The following SAMD12 variants were observed in gnomAD, a reference collection of about 807,000 sequenced individuals.
The protein encoded by SAMD12 is sterile alpha motif domain containing 12, also known as sterile alpha motif domain-containing protein 12.
In SAMD12, 9 loss-of-function variants were observed where a neutral mutation model predicts 15.0. The observed-to-expected ratio is 0.60, with a 90% CI of 0.36 to 1.05. SAMD12 has a LOEUF of 1.05. Ranked by LOEUF, SAMD12 falls within the 50% of genes least tolerant of loss-of-function variation. The pLI is 0.01. For synonymous variants in SAMD12, 86 were observed against 90.1 expected (o/e 0.96, Z 0.25); for missense variants, 230 against 234.2 (o/e 0.98, Z 0.12).
chr8:118,223,637 G>A (rs17507627), intron 4 of SAMD12, among the ~76,000 whole-genome samples: 129 of 152,268 alleles, frequency 8.5e-4, no homozygotes, highest in African/African-American at 2.6e-3. Context: ...GATTCCTTGC[G>A]GGATGGAAAA....
chr8:118,228,769 C>CAGCA (rs1271354385), intron 4 of SAMD12, among the ~76,000 whole-genome samples: 2 of 152,154 alleles, frequency 1.3e-5, no homozygotes, highest in African/African-American at 4.8e-5. Flanking sequence ...CTATTTGATC[C>CAGCA]AGCAATCCCA....
intron 4 of SAMD12, among the ~76,000 whole-genome samples, chr8:118,256,589 C>T (rs186095356): frequency 1.2e-3 from 182 of 151,780 alleles, no homozygotes; most frequent in African/African-American, 4.0e-3. Flanking sequence ...GTTCAAAGTG[C>T]GTAAAGTACT....
chr8:118,420,063 G>T (rs4130593), intron 3 of SAMD12, among the ~76,000 whole-genome samples: 2 of 152,016 alleles, frequency 1.3e-5, no homozygotes, highest in Non-Finnish European at 2.9e-5. Context: ...CATCTACAGA[G>T]GACAGTGACA....
chr8:118,406,890 T>TTGTGTGTGTGTGTGTGTGTG lies in SAMD12; in HGVS notation c.323-27210_323-27191dup, dbSNP rs3052708. Among the ~76,000 whole-genome samples the TTGTGTGTGTGTGTGTGTGTG allele has an allele frequency of 2.7e-4, 40 of 147,456 alleles. 1 individual carries two copies. The highest frequency in any genetic ancestry group is 1.5e-3 in the South Asian group (7 of 4,572). On this transcript the variant is annotated intron_variant, in intron 3 of 3. Coordinates refer to ENST00000314727, the MANE Select transcript of SAMD12 (RefSeq NM_207506.3). ...CATTTTAAAGCTTAACAATATTCCATTGTGTGTGTGTGTGTGTGTGTGTGT... is the reference window on the plus strand; with the variant it reads ...CATTTTAAAGCTTAACAATATTCCATTGTGTGTGTGTGTGTGTGTGTGTGTGTGTGTGTGTGTGTGTGTGT...
At chr8:118,206,346 T>C (rs1819862999) in intron 4 of SAMD12, among the ~76,000 whole-genome samples, 1 of 152,236 alleles carries the variant, frequency 6.6e-6, no homozygotes, top group Non-Finnish European at 1.5e-5. Flanking sequence ...AAATTTGCTT[T>C]ATAGCCTTGT....
intron 4 of SAMD12, among the ~76,000 whole-genome samples, chr8:118,310,811 T>A (rs769282531): frequency 7.2e-5 from 11 of 152,212 alleles, no homozygotes; most frequent in African/African-American, 2.7e-4. Flanking sequence ...AACTACTTTC[T>A]GCTGAAAATA....
At chr8:118,436,528 T>C (rs1304918075) in intron 3 of SAMD12, among the ~76,000 whole-genome samples, 7 of 152,186 alleles carry the variant, frequency 4.6e-5, no homozygotes, top group African/African-American at 1.7e-4. Context: ...AATCAAGGGA[T>C]GTTTGTATAT....
At chr8:118,181,537 T>A in the SAMD12 span, among the ~76,000 whole-genome samples, 1 of 152,194 alleles carries the variant, frequency 6.6e-6, no homozygotes, top group Non-Finnish European at 1.5e-5. Flanking sequence ...AAATGGGCAA[T>A]CAGGGTCCAT....
rs1434522599 is a variant in SAMD12 at position 118,585,538 on chromosome 8, AGG to A, written c.14-4647_14-4646del. The stretch of plus-strand genomic sequence containing the variant: ...CTAATACCTCCATAAATGGAAAGAG[AGG>A]TTCCAAAGATATTTTTATTCAAAGG... On this transcript the variant is annotated intron_variant, in intron 1 of 3. Transcript: ENST00000314727. Among the ~76,000 whole-genome samples, 1,440 of 152,340 alleles carry A rather than the reference AGG, an allele frequency of 9.5e-3. 15 individuals carry two copies. The highest frequency in any genetic ancestry group is 0.031 in the African/African-American group (1,285 of 41,582).
chr8:118,187,328 C>T (rs936075285), downstream of SAMD12, among the ~76,000 whole-genome samples: 1 of 152,130 alleles, frequency 6.6e-6, no homozygotes, highest in Admixed American at 6.5e-5. Flanking sequence ...AGTGTACATA[C>T]ATCTATATGC....
chr8:118,331,808 T>G (rs1240568917), intron 4 of SAMD12, among the ~76,000 whole-genome samples: 1 of 152,134 alleles, frequency 6.6e-6, no homozygotes, highest in African/African-American at 2.4e-5. Flanking sequence ...CAACAAAAAC[T>G]GGGAGGTTGA....
intron 2 of SAMD12, among the ~76,000 whole-genome samples, chr8:118,552,934 G>C (rs1164919403): frequency 6.6e-6 from 1 of 151,876 alleles, no homozygotes; most frequent in Non-Finnish European, 1.5e-5. Flanking sequence ...ATTCACAATT[G>C]CTTCAAAGAG....
intron 2 of SAMD12, among the ~76,000 whole-genome samples, chr8:118,506,799 T>C (rs770874036): frequency 2.7e-5 from 4 of 149,614 alleles, no homozygotes; most frequent in Admixed American, 6.7e-5. Context: ...TCATACTAGA[T>C]GATTACATTG....
rs148602175 is a variant in SAMD12, at chr8:118,612,651, G to A, written c.13+9153C>T. On this transcript the variant is annotated intron_variant, in intron 1 of 3. Transcript: ENST00000314727. ...TGAGACACCGTCAATCTGGAAAACC[G>A]CTCAGCAGTTTCTAATACAGGTAAA... Among the ~76,000 whole-genome samples the A allele has an allele frequency of 3.8e-3, 576 of 152,264 alleles. 6 individuals carry two copies. Among genetic ancestry groups the A allele is most frequent in the African/African-American group, 0.013 (537 of 41,542 alleles).
At chr8:118,472,633 C>T (rs889897647) in intron 2 of SAMD12, among the ~76,000 whole-genome samples, 2 of 152,044 alleles carry the variant, frequency 1.3e-5, no homozygotes, top group Admixed American at 1.3e-4. Flanking sequence ...GATGATCGCA[C>T]CACTGCACTC....
chr8:118,211,045 A>G (rs1266707083), intron 4 of SAMD12, among the ~76,000 whole-genome samples: 2 of 152,142 alleles, frequency 1.3e-5, no homozygotes, highest in Non-Finnish European at 2.9e-5. Context: ...AAAAACCACT[A>G]CTGCACGATG....
chr8:118,493,736 G>C (rs1367746341), intron 2 of SAMD12, among the ~76,000 whole-genome samples: 1 of 152,148 alleles, frequency 6.6e-6, no homozygotes, highest in African/African-American at 2.4e-5. Context: ...ACCTGAACAT[G>C]CCCAGATGAA....
At chr8:118,564,927 G>A (rs1826806466) in intron 2 of SAMD12, among the ~76,000 whole-genome samples, 1 of 152,182 alleles carries the variant, frequency 6.6e-6, no homozygotes, top group African/African-American at 2.4e-5. Context: ...AAGAGAAAAA[G>A]GAAGTTGGAA....
At chr8:118,569,553 G>C (rs979962059) in intron 2 of SAMD12, among the ~76,000 whole-genome samples, 3 of 152,172 alleles carry the variant, frequency 2.0e-5, no homozygotes, top group African/African-American at 4.8e-5. Flanking sequence ...CCCCCAATAA[G>C]GTGTTGTTTG....
Sources: allele counts gnomAD v4.1 joint callset (sites outside exome capture counted in the v4.1 genomes callset), GRCh38; gene constraint gnomAD v4.1.1; transcripts MANE v1.5; gene names NCBI Gene and HGNC (gene_info 2026-07-23, HGNC 2026-07-21).